CUX2: variants seen among roughly 807,000 people sequenced by gnomAD.
CUX2 encodes cut like homeobox 2.
Under a neutral mutation model 144.8 loss-of-function variants are expected in CUX2, and 40 were observed. That is an observed-to-expected ratio of 0.28 (90% confidence interval 0.21 to 0.36). The LOEUF (loss-of-function observed/expected upper bound fraction) is 0.36. Ranked by LOEUF, CUX2 falls within the 10% of genes least tolerant of loss-of-function variation. The pLI is 1.00. For missense variants in CUX2, 1,615 were observed against 1,994.0 expected (o/e 0.81, Z 3.62); for synonymous variants, 827 against 875.6 (o/e 0.94, Z 0.98).
At chr12:111,144,263 T>C (rs1876519909) in intron 1 of CUX2, among the ~76,000 whole-genome samples, 1 of 152,238 alleles carries the variant, frequency 6.6e-6, no homozygotes, top group Admixed American at 6.5e-5. Flanking sequence ...CCATTGGGCA[T>C]GAGAGGCTTA....
At chr12:111,192,472 C>T (rs1879953653) in intron 1 of CUX2, among the ~76,000 whole-genome samples, 1 of 151,580 alleles carries the variant, frequency 6.6e-6, no homozygotes. Context: ...CCAGCCCTTT[C>T]TTTTCCCCGA....
intron 18 of CUX2, among the ~76,000 whole-genome samples, chr12:111,330,720 T>TATATACAC (rs1888071404): frequency 2.0e-5 from 1 of 49,872 alleles, no homozygotes; most frequent in African/African-American, 1.1e-4. Flanking sequence ...TATATATATA[T>TATATACAC]ATATATATAT....
intron 1 of CUX2, among the ~76,000 whole-genome samples, chr12:111,161,239 C>G (rs573357587): frequency 2.0e-5 from 3 of 152,094 alleles, no homozygotes; most frequent in Non-Finnish European, 4.4e-5. Context: ...TGGGCAACAC[C>G]CATTAAAGGG....
intron 1 of CUX2, among the ~76,000 whole-genome samples, chr12:111,047,541 A>G: frequency 6.6e-6 from 1 of 152,078 alleles, no homozygotes; most frequent in East Asian, 1.9e-4. Flanking sequence ...TTGTTCTTTC[A>G]TTGAATCCTC....
chr12:111,164,898 T>G (rs1158571652), intron 1 of CUX2, among the ~76,000 whole-genome samples: 1 of 152,212 alleles, frequency 6.6e-6, no homozygotes, highest in East Asian at 1.9e-4. Flanking sequence ...GAATCTGTAC[T>G]TTAACAAGAT....
chr12:111,043,517 C>T (rs545443437), intron 1 of CUX2, among the ~76,000 whole-genome samples: 7 of 152,278 alleles, frequency 4.6e-5, no homozygotes, highest in African/African-American at 1.2e-4. Flanking sequence ...GGATATAATA[C>T]GACACTGCAT....
chr12:111,114,441 G>T (rs1874169998), intron 1 of CUX2, among the ~76,000 whole-genome samples: 1 of 152,088 alleles, frequency 6.6e-6, no homozygotes, highest in African/African-American at 2.4e-5. Flanking sequence ...TAGTTGGGTT[G>T]TTTGTTTTCT....
At chr12:111,093,193 A>C (rs529388113) in intron 1 of CUX2, among the ~76,000 whole-genome samples, 1 of 152,356 alleles carries the variant, frequency 6.6e-6, no homozygotes, top group South Asian at 2.1e-4. Context: ...ATGCAGGTAC[A>C]TCCACCTCTA....
chr12:111,040,660 A>G (rs1403571846), intron 1 of CUX2, among the ~76,000 whole-genome samples: 1 of 152,174 alleles, frequency 6.6e-6, no homozygotes, highest in Non-Finnish European at 1.5e-5. Flanking sequence ...AGGACACCCC[A>G]GAGGGTTTTG....
intron 9 of CUX2, among the ~76,000 whole-genome samples, chr12:111,301,658 C>T (rs1219152906): frequency 6.6e-6 from 1 of 152,216 alleles, no homozygotes; most frequent in African/African-American, 2.4e-5. Context: ...GCTCACACCA[C>T]CACAGCCGTA....
At chr12:111,213,257 T>A (rs1300168106) in intron 1 of CUX2, among the ~76,000 whole-genome samples, 1 of 152,178 alleles carries the variant, frequency 6.6e-6, no homozygotes, top group East Asian at 1.9e-4. Flanking sequence ...GCCGACCACA[T>A]AAACAGAGCA....
chr12:111,243,106 A>G (rs1018550067), intron 3 of CUX2, among the ~76,000 whole-genome samples: 8 of 152,094 alleles, frequency 5.3e-5, no homozygotes, highest in African/African-American at 1.9e-4. Flanking sequence ...TCTATCATTG[A>G]TGGGCATTTT....
At chr12:111,045,364 C>T (rs886827965) in intron 1 of CUX2, among the ~76,000 whole-genome samples, 6 of 152,140 alleles carry the variant, frequency 3.9e-5, no homozygotes, top group Admixed American at 2.6e-4. Context: ...TATTCAGCCC[C>T]AGCTATGTGT....
At position 111,214,244 on chromosome 12, in the gene CUX2, G is replaced by A; in HGVS notation, c.108G>A (p.Glu36=). The A allele has an allele frequency of 6.2e-7, 1 of 1,609,598 alleles. No individual in the cohort carries two copies. Among genetic ancestry groups the A allele is most frequent in the Non-Finnish European group, 8.5e-7 (1 of 1,178,470 alleles). ...SVASELSARQ[E]ESEHSHKHLI... ...CTTCTGAGCTGTCTGCACGGCAGGA[G>A]GAGAGTGAACATTCTCATAAACATT... The change falls in exon 2 of 22, where the codon GAG becomes GAA. Residue 36 remains glutamate, a synonymous_variant. Coordinates refer to ENST00000261726, the MANE Select transcript of CUX2 (RefSeq NM_015267.4).
chr12:111,298,263 G>T (rs1259209945), intron 8 of CUX2, among the ~76,000 whole-genome samples: 1 of 152,194 alleles, frequency 6.6e-6, no homozygotes, highest in African/African-American at 2.4e-5. Context: ...CTTGAGGATG[G>T]GCATTCCAGG....
In CUX2 at chr12:111,224,449, C is replaced by T. The variant is rs1286624259; in HGVS notation, c.222+6512C>T. Among the ~76,000 whole-genome samples, 17 of 152,016 alleles carry T rather than the reference C, an allele frequency of 1.1e-4. No individual in the cohort carries two copies. The South Asian group carries it at 3.5e-3, about 32-fold the overall frequency. On this transcript the variant is annotated intron_variant, in intron 3 of 21. Transcript: ENST00000261726. The stretch of plus-strand genomic sequence containing the variant: ...TGCGTCCTTCTTTGGTTCCTGTGCC[C>T]CCCTTCTGCTCCGTGTCTGCCTGCA...
At chr12:111,232,218 T>C (rs543159333) in intron 3 of CUX2, among the ~76,000 whole-genome samples, 6 of 151,462 alleles carry the variant, frequency 4.0e-5, no homozygotes, top group Admixed American at 3.9e-4. Context: ...AAAAAATATA[T>C]ATATATATAC....
At chr12:111,127,378 G>A (rs1184070901) in intron 1 of CUX2, among the ~76,000 whole-genome samples, 1 of 152,212 alleles carries the variant, frequency 6.6e-6, no homozygotes, top group African/African-American at 2.4e-5. Flanking sequence ...GTTTGTCACA[G>A]GGCATGGTAA....
chr12:111,233,868 A>T (rs928983310), intron 3 of CUX2, among the ~76,000 whole-genome samples: 7 of 152,192 alleles, frequency 4.6e-5, no homozygotes, highest in Non-Finnish European at 8.8e-5. Flanking sequence ...AGGTTACATC[A>T]CAGTCTAGCG....
Sources: gnomAD v4.1 joint callset for allele counts (sites outside exome capture counted in the v4.1 genomes callset) on GRCh38, gnomAD v4.1.1 for gene constraint, MANE v1.5 for transcripts, NCBI Gene and HGNC (gene_info 2026-07-23, HGNC 2026-07-21) for gene names.